Variants in AHCY observed in about 807,000 individuals in gnomAD.
AHCY encodes the protein S-adenosyl-L-homocysteine hydrolase.
A neutral mutation model predicts 45.4 loss-of-function variants in AHCY; 24 were observed. The observed-to-expected ratio is 0.53, with a 90% CI of 0.38 to 0.74. AHCY has a LOEUF of 0.74. Ranked by LOEUF, AHCY falls within the 30% of genes least tolerant of loss-of-function variation. AHCY has a pLI of 0.00. For synonymous variants in AHCY, 245 were observed against 235.1 expected (o/e 1.04, Z -0.39); for missense variants, 449 against 594.1 (o/e 0.76, Z 2.54).
At chr20:34,304,389 A>C (rs1757733743), upstream of AHCY, among the ~76,000 whole-genome samples, 2 of 152,224 alleles carry the variant, frequency 1.3e-5, no homozygotes, top group Non-Finnish European at 2.9e-5. Flanking sequence ...CATATAACCT[A>C]TGCACATTCC....
downstream of AHCY, among the ~76,000 whole-genome samples, chr20:34,276,191 G>A (rs1360330847): frequency 6.6e-6 from 1 of 152,194 alleles, no homozygotes; most frequent in Non-Finnish European, 1.5e-5. Flanking sequence ...GTGTGCACCA[G>A]CAGCATTGGG....
chr20:34,254,071 T>G, the AHCY span, among the ~76,000 whole-genome samples: 17 of 144,650 alleles, frequency 1.2e-4, 1 homozygote, highest in African/African-American at 2.4e-4. Flanking sequence ...TTTTGTTTCG[T>G]TTTTTTTTTG....
the AHCY span, among the ~76,000 whole-genome samples, chr20:34,250,747 T>C: frequency 1.3e-5 from 2 of 152,054 alleles, no homozygotes; most frequent in African/African-American, 4.8e-5. Flanking sequence ...CTTTGCCTCT[T>C]CTTCCATTCT....
chr20:34,301,600 C>A lies in AHCY; in HGVS notation c.28+1643G>T, dbSNP rs372100987. ...GATCAAGATCTGGCATACAGCAGGG[C>A]CTCCTTCCTCCAGCCCCACCCAGCT... On this transcript the variant is annotated intron_variant, in intron 1 of 9. Transcript: ENST00000217426. Among the ~76,000 whole-genome samples the A allele has an allele frequency of 6.6e-5, 10 of 152,282 alleles. No homozygotes were observed. In the East Asian group the frequency reaches 1.2e-3, roughly 18 times the overall value.
chr20:34,302,725 T>A, intron 1 of AHCY: 1 of 988,820 alleles, frequency 1.0e-6, no homozygotes, highest in Non-Finnish European at 1.2e-6. Context: ...GTTGGGTAAC[T>A]GGCCCAAAGT....
chr20:34,308,562 A>T (rs1424524594), intron 1 of AHCY, among the ~76,000 whole-genome samples: 7 of 151,998 alleles, frequency 4.6e-5, no homozygotes, highest in South Asian at 2.1e-4. Flanking sequence ...GAAAAAGAAA[A>T]TTTTTTTTAA....
chr20:34,305,503 C>A (rs1301439581), upstream of AHCY, among the ~76,000 whole-genome samples: 2 of 152,104 alleles, frequency 1.3e-5, no homozygotes, highest in Non-Finnish European at 2.9e-5. Flanking sequence ...CCTCACGCAT[C>A]CCTTTCAGCA....
intron 9 of AHCY, among the ~76,000 whole-genome samples, chr20:34,284,557 T>A (rs991422117): frequency 2.0e-5 from 3 of 152,132 alleles, no homozygotes; most frequent in African/African-American, 7.2e-5. Context: ...AGTTATTTTT[T>A]AAATTATAAT....
the AHCY span, among the ~76,000 whole-genome samples, chr20:34,266,540 G>C: frequency 1.3e-5 from 2 of 151,582 alleles, no homozygotes; most frequent in African/African-American, 4.9e-5. Flanking sequence ...GGGCGTGGTG[G>C]TGCACGCCTG....
the AHCY span, chr20:34,268,864 G>GC: frequency 8.3e-7 from 1 of 1,198,810 alleles, no homozygotes; most frequent in Non-Finnish European, 1.2e-6. Flanking sequence ...CGGGCGGTGG[G>GC]CGGTGGGCAA....
the AHCY span, among the ~76,000 whole-genome samples, chr20:34,254,085 CAG>C: frequency 1.3e-5 from 2 of 151,406 alleles, no homozygotes; most frequent in South Asian, 4.2e-4. Flanking sequence ...TTTTTTGAGA[CAG>C]AGTCTTACTC....
chr20:34,298,971 T>C (rs1388385651), intron 1 of AHCY, among the ~76,000 whole-genome samples: 1 of 152,122 alleles, frequency 6.6e-6, no homozygotes, highest in Non-Finnish European at 1.5e-5. Flanking sequence ...TTACCTATCC[T>C]TGGAGGTGAC....
At chr20:34,275,678 CT>C (rs1245527869), downstream of AHCY, among the ~76,000 whole-genome samples, 2 of 141,658 alleles carry the variant, frequency 1.4e-5, no homozygotes, top group Non-Finnish European at 3.0e-5. Flanking sequence ...GGCTTTATAT[CT>C]TTCTTTTTTT....
At position 34,290,866 on chromosome 20, in the gene AHCY, T is replaced by A; in HGVS notation, c.631A>T (p.Ile211Phe). 6.2e-7 allele frequency: 1 copy of A among 1,614,004 alleles called. No individual in the cohort carries two copies. The highest frequency in any genetic ancestry group is 8.5e-7 in the Non-Finnish European group (1 of 1,179,990). ...GCTACCACCGCTACCTTGCCGGCAATCATCACATCTGTGGCCCGCTTGATG... is the reference window on the plus strand; with the variant it reads ...GCTACCACCGCTACCTTGCCGGCAAACATCACATCTGTGGCCCGCTTGATG... Reference protein sequence around the residue: ...DGIKRATDVMIAGKVAVVAGY... With the variant: ...DGIKRATDVMFAGKVAVVAGY... Residue 211 changes from isoleucine to phenylalanine, a missense_variant, in exon 6 of 10, where the codon ATT becomes TTT. Coordinates refer to ENST00000217426, the MANE Select transcript of AHCY (RefSeq NM_000687.4). The surrounding 1 kb of genome is among the most constrained non-coding windows in gnomAD (Gnocchi z 4.5).
intron 9 of AHCY, among the ~76,000 whole-genome samples, chr20:34,284,414 G>A (rs995802037): frequency 2.0e-5 from 3 of 151,904 alleles, no homozygotes; most frequent in South Asian, 2.1e-4. Flanking sequence ...TGCCCACCTC[G>A]GCCTCCCAAA....
chr20:34,258,294 GA>G, the AHCY span, among the ~76,000 whole-genome samples: 1 of 151,280 alleles, frequency 6.6e-6, no homozygotes, highest in South Asian at 2.1e-4. Context: ...TAAAAGGCCA[GA>G]TAATAAATAT....
chr20:34,250,712 G>A, the AHCY span, among the ~76,000 whole-genome samples: 2 of 152,236 alleles, frequency 1.3e-5, no homozygotes, highest in African/African-American at 2.4e-5. Context: ...TGGGAGAATC[G>A]CTTGAACCCG....
chr20:34,269,229 G>A, the AHCY span: 3 of 1,432,752 alleles, frequency 2.1e-6, no homozygotes, highest in East Asian at 5.3e-5. Context: ...TTCTCGGGCG[G>A]GTGATCCCTA....
the AHCY span, among the ~76,000 whole-genome samples, chr20:34,241,089 C>A: frequency 1.3e-5 from 2 of 152,202 alleles, no homozygotes; most frequent in Non-Finnish European, 2.9e-5. Flanking sequence ...CTAATAGAGG[C>A]ACAGTCACTT....
Sources: allele counts gnomAD v4.1 joint callset (sites outside exome capture counted in the v4.1 genomes callset), GRCh38; gene constraint gnomAD v4.1.1; non-coding constraint Gnocchi (gnomAD v3.1); transcripts MANE v1.5; gene names NCBI Gene and HGNC (gene_info 2026-07-23, HGNC 2026-07-21).